The following FBXW8 variants were observed in gnomAD, a reference collection of about 807,000 sequenced individuals.
FBXW8 encodes F-box/WD repeat-containing protein 8.
Under a neutral mutation model 65.3 loss-of-function variants are expected in FBXW8, and 57 were observed. The observed-to-expected ratio is 0.87, with a 90% CI of 0.71 to 1.09. The LOEUF (loss-of-function observed/expected upper bound fraction) is 1.09, where lower values mean the gene tolerates loss of function less well. Ranked by LOEUF, FBXW8 falls within the 50% of genes least tolerant of loss-of-function variation. FBXW8 has a pLI of 0.00. For synonymous variants in FBXW8, 308 were observed against 330.2 expected (o/e 0.93, Z 0.73); for missense variants, 777 against 814.8 (o/e 0.95, Z 0.57).
chr12:116,976,337 TTG>T (rs761383379), intron 5 of FBXW8, among the ~76,000 whole-genome samples: 187 of 151,824 alleles, frequency 1.2e-3, no homozygotes, highest in Middle Eastern at 6.8e-3. Context: ...TTTTTGTATC[TTG>T]CTATTTGTCT....
intron 8 of FBXW8, among the ~76,000 whole-genome samples, chr12:117,022,367 A>C (rs1045289333): frequency 1.4e-4 from 22 of 152,168 alleles, no homozygotes; most frequent in African/African-American, 5.3e-4. Context: ...AAAAAAAAAA[A>C]AAACAGGCTG....
At chr12:117,025,566 G>C (rs1358590842) in intron 9 of FBXW8, among the ~76,000 whole-genome samples, 3 of 152,176 alleles carry the variant, frequency 2.0e-5, no homozygotes, top group Admixed American at 2.0e-4. Flanking sequence ...ATGCAGAATG[G>C]GCTTCTTCCT....
chr12:117,006,445 C>G (rs1463489031), intron 7 of FBXW8, among the ~76,000 whole-genome samples: 1 of 152,244 alleles, frequency 6.6e-6, no homozygotes, highest in Non-Finnish European at 1.5e-5. Context: ...CATCTCTCAG[C>G]TCTTTCCTTC....
intron 1 of FBXW8, among the ~76,000 whole-genome samples, chr12:116,920,257 T>G (rs1004226297): frequency 6.6e-6 from 1 of 152,244 alleles, no homozygotes; most frequent in African/African-American, 2.4e-5. Flanking sequence ...ATGATGCCTG[T>G]GTATACTAGA....
chr12:117,010,411 G>A lies in FBXW8; in HGVS notation c.1328G>A (p.Ser443Asn), dbSNP rs2135709482. 2 of 1,614,220 alleles carry A rather than the reference G, an allele frequency of 1.2e-6. No individual in the cohort carries two copies. The highest frequency in any genetic ancestry group is 1.7e-6 in the Non-Finnish European group (2 of 1,180,048). Residue 443 changes from serine to asparagine, a missense_variant, in exon 8 of 11, where the codon AGC becomes AAC. Transcript: ENST00000652555. The stretch of plus-strand genomic sequence containing the variant: ...TTCACGTGTGTCAACCTCAGCGACA[G>A]CCCTCCCAACCTCATGGTCAGTGGC... ...RDFTCVNLSD[S>N]PPNLMVSGNM...
intron 5 of FBXW8, among the ~76,000 whole-genome samples, chr12:116,968,196 G>T (rs4767484): frequency 1.3e-5 from 2 of 152,170 alleles, no homozygotes; most frequent in Non-Finnish European, 1.5e-5. Flanking sequence ...TACATTTTTA[G>T]GGTTCAAAGA....
At chr12:117,010,215 G>C in intron 7 of FBXW8, 108 bp from the exon 8 acceptor site, 1 of 1,503,950 alleles carries the variant, frequency 6.6e-7, no homozygotes, top group Non-Finnish European at 9.1e-7. Context: ...ACATCTTCAC[G>C]GGAGCTCAGT....
intron 5 of FBXW8, among the ~76,000 whole-genome samples, chr12:116,967,277 A>G (rs913413446): frequency 1.3e-5 from 2 of 151,564 alleles, no homozygotes; most frequent in Non-Finnish European, 2.9e-5. Context: ...TGGCTGTACC[A>G]TCATTTATTT....
chr12:117,013,646 GA>G (rs1953877825), intron 8 of FBXW8, among the ~76,000 whole-genome samples: 1 of 152,096 alleles, frequency 6.6e-6, no homozygotes, highest in African/African-American at 2.4e-5. Flanking sequence ...TATGAAATCA[GA>G]ATGGACTTTT....
intron 7 of FBXW8, among the ~76,000 whole-genome samples, chr12:116,995,204 C>A (rs960630139): frequency 6.6e-6 from 1 of 152,200 alleles, no homozygotes. Flanking sequence ...CAAGAAAGAT[C>A]GGCAGCGTAC....
chr12:117,028,129 A>C lies in FBXW8; in HGVS notation c.1754A>C (p.His585Pro), dbSNP rs746815419. ...TCATCCTGTGACGCCATGGCCACTC[A>C]CTACTACGACCTCGCACTGGCCTTT... ...CRSSCDAMAT[H>P]YYDLALAFPY... Residue 585 changes from histidine to proline, a missense_variant, in exon 11 of 11, where the codon CAC becomes CCC. Coordinates refer to ENST00000652555, the MANE Select transcript of FBXW8 (RefSeq NM_153348.3). This position sits in a 1 kb window ranked among gnomAD's most constrained non-coding sequence, Gnocchi z 4.1. The C allele has an allele frequency of 6.2e-7, 1 of 1,614,124 alleles. No homozygotes were observed. Among genetic ancestry groups the C allele is most frequent in the Non-Finnish European group, 8.5e-7 (1 of 1,180,018 alleles).
chr12:117,007,001 C>T (rs1953692537), intron 7 of FBXW8, among the ~76,000 whole-genome samples: 2 of 152,190 alleles, frequency 1.3e-5, no homozygotes, highest in South Asian at 4.2e-4. Context: ...TGTGTATACA[C>T]ACAGAGGCAG....
chr12:116,913,238 C>T (rs1325732887), intron 1 of FBXW8, among the ~76,000 whole-genome samples: 1 of 152,198 alleles, frequency 6.6e-6, no homozygotes, highest in African/African-American at 2.4e-5. Context: ...TCCTGATTCT[C>T]AAGGCTTTCC....
chr12:116,982,620 TG>T (rs1176976413), intron 5 of FBXW8, among the ~76,000 whole-genome samples: 2 of 85,168 alleles, frequency 2.3e-5, no homozygotes, highest in Non-Finnish European at 4.6e-5. Context: ...GATGGAGCCC[TG>T]GATTTTTTTT....
chr12:116,911,825 T>C (rs1258734925), intron 1 of FBXW8, among the ~76,000 whole-genome samples: 2 of 152,202 alleles, frequency 1.3e-5, no homozygotes, highest in Non-Finnish European at 2.9e-5. Context: ...TACCTTTGTA[T>C]ACTGTTTGCA....
chr12:116,970,171 C>G (rs1014580360), intron 5 of FBXW8, among the ~76,000 whole-genome samples: 2 of 152,200 alleles, frequency 1.3e-5, no homozygotes, highest in Non-Finnish European at 2.9e-5. Context: ...AACCCGCTCC[C>G]TGGTCACCGA....
chr12:117,005,797 A>G (rs1456327027), intron 7 of FBXW8, among the ~76,000 whole-genome samples: 2 of 152,222 alleles, frequency 1.3e-5, no homozygotes, highest in African/African-American at 2.4e-5. Flanking sequence ...TCTGATCACA[A>G]CTTCCCTGTT....
Position 116,964,689 on chromosome 12 carries a change from T to C in FBXW8, c.678-8T>C, listed in dbSNP as rs1329736194. On this transcript the variant is annotated splice_region_variant and splice_polypyrimidine_tract_variant and intron_variant, in intron 4 of 10. Coordinates refer to ENST00000652555, the MANE Select transcript of FBXW8 (RefSeq NM_153348.3). ...CCTTTTGGAACCAAGTGTGTCGTTC[T>C]CTTCCAGATATACATCAGGGGATGT... The C allele has an allele frequency of 6.2e-7, 1 of 1,613,634 alleles. No individual in the cohort carries two copies. The highest frequency in any genetic ancestry group is 8.5e-7 in the Non-Finnish European group (1 of 1,179,932).
intron 7 of FBXW8, among the ~76,000 whole-genome samples, chr12:117,009,392 C>A (rs1259647269): frequency 1.3e-5 from 2 of 151,986 alleles, no homozygotes; most frequent in Non-Finnish European, 2.9e-5. Context: ...ACCCTGTTCC[C>A]CCACCCCCTC....
Sources: gnomAD v4.1 joint callset for allele counts (sites outside exome capture counted in the v4.1 genomes callset) on GRCh38, gnomAD v4.1.1 for gene constraint, Gnocchi (gnomAD v3.1) non-coding constraint, MANE v1.5 for transcripts, NCBI Gene and HGNC (gene_info 2026-07-23, HGNC 2026-07-21) for gene names.